The following STON2 variants were observed in gnomAD, a reference collection of about 807,000 sequenced individuals.
The protein encoded by STON2 is stonin 2, also known as stonin-2.
A neutral mutation model predicts 65.7 loss-of-function variants in STON2; 29 were observed. The observed-to-expected ratio is 0.44, with a 90% CI of 0.33 to 0.60. STON2 has a LOEUF of 0.60. Among genes scored for constraint, STON2 ranks in the 20% least tolerant of loss-of-function variants. The pLI is 0.03. For missense variants in STON2, 1,054 were observed against 1,118.1 expected, an observed-to-expected ratio of 0.94 and a Z score of 0.82; for synonymous variants, 404 against 414.2, an observed-to-expected ratio of 0.98 and a Z score of 0.30.
intron 3 of STON2, among the ~76,000 whole-genome samples, chr14:81,376,289 A>C (rs1329611939): frequency 6.6e-6 from 1 of 152,000 alleles, no homozygotes; most frequent in African/African-American, 2.4e-5. Context: ...GTAGGAATGA[A>C]AAGTGTACAC....
intron 2 of STON2, among the ~76,000 whole-genome samples, chr14:81,397,716 T>C (rs541560423): frequency 3.3e-5 from 5 of 152,324 alleles, no homozygotes; most frequent in Non-Finnish European, 7.4e-5. Context: ...AAAGTCAATA[T>C]AGTCATCCTC....
At chr14:81,345,760 CA>C (rs753529934) in intron 4 of STON2, among the ~76,000 whole-genome samples, 3,485 of 141,666 alleles carry the variant, frequency 0.025, 51 homozygotes, top group Middle Eastern at 0.044. Context: ...GACTTTGTCT[CA>C]AAAAAAAAAA....
chr14:81,365,486 T>TG (rs1352101476), intron 4 of STON2, among the ~76,000 whole-genome samples: 13 of 152,248 alleles, frequency 8.5e-5, no homozygotes, highest in Non-Finnish European at 1.9e-4. Context: ...ACAGGTGCAG[T>TG]GGCTCATGCC....
chr14:81,298,416 G>GT (rs879902928), intron 5 of STON2, among the ~76,000 whole-genome samples: 2,193 of 48,560 alleles, frequency 0.045, 64 homozygotes, highest in African/African-American at 0.11. Flanking sequence ...GCTTCAGATG[G>GT]GGGGGGGGAA....
Position 81,413,161 on chromosome 14 carries a change from T to C in STON2, c.-199+13941A>G, listed in dbSNP as rs909937672. ...GCATCGTGGGGAGGAACTTCAGTAG[T>C]TACGTGACACATGAAACCAAACACT... On this transcript the variant is annotated intron_variant, in intron 2 of 8. Coordinates refer to the STON2 transcript ENST00000553821. The C allele has an allele frequency of 3.1e-5, 45 of 1,453,076 alleles. 7 individuals carry two copies. Among genetic ancestry groups the C allele is most frequent in the Non-Finnish European group, 4.2e-5 (45 of 1,072,644 alleles). 90.0% of individuals were successfully genotyped at this position (1,453,076 alleles called of 1,614,324 possible).
rs1481592232 is a variant in STON2 at position 81,324,003 on chromosome 14, C to T, written c.742+14G>A. On this transcript the variant is annotated intron_variant, in intron 5 of 7. Coordinates refer to ENST00000614646, the MANE Select transcript of STON2 (RefSeq NM_001394390.1). The stretch of plus-strand genomic sequence containing the variant: ...TAAAATGAATGAAGCGTTCCTGCTG[C>T]GGGCAGCCCTTACCATTGGGAGCAG... 2.6e-5 allele frequency among the ~76,000 whole-genome samples: 4 copies of T among 152,206 alleles called. No homozygotes were observed. Among genetic ancestry groups the T allele is most frequent in the Admixed American group, 1.3e-4 (2 of 15,284 alleles).
chr14:81,276,517 G>A (rs752273307), intron 6 of STON2, among the ~76,000 whole-genome samples: 10 of 152,134 alleles, frequency 6.6e-5, no homozygotes, highest in African/African-American at 1.7e-4. Context: ...TACCTACATC[G>A]AGGGCAGTGT....
chr14:81,296,151 A>C (rs2140169421), intron 5 of STON2, among the ~76,000 whole-genome samples: 1 of 152,340 alleles, frequency 6.6e-6, no homozygotes, highest in East Asian at 1.9e-4. Flanking sequence ...TGTTAGTATG[A>C]GCATTGTGTA....
chr14:81,367,384 C>G (rs1051622165), intron 4 of STON2, among the ~76,000 whole-genome samples: 11 of 152,044 alleles, frequency 7.2e-5, no homozygotes, highest in African/African-American at 2.7e-4. Flanking sequence ...ACCATGTTGG[C>G]CAGGGTGGTC....
In STON2 at chr14:81,261,119, C is replaced by G. The variant is rs934245953; in HGVS notation, c.*7295G>C. ...GGCTTAAGGTCAGAGGAGTTCATAT[C>G]CTTCTCTTCCCTCACCCCTATACTT... is the stretch of plus-strand genomic sequence containing the variant. On this transcript the variant is annotated 3_prime_UTR_variant, in exon 8 of 8. Transcript: ENST00000614646. The G allele has an allele frequency of 1.3e-5, 2 of 152,160 alleles. No homozygotes were observed. Among genetic ancestry groups the G allele is most frequent in the Non-Finnish European group, 2.9e-5 (2 of 68,028 alleles). The allele number at this position is 152,160 out of a possible 1,614,324, so 9.4% of individuals were successfully genotyped here. A position where few individuals can be genotyped will look rare whatever the true frequency, so the allele number is the denominator to read the frequency against.
chr14:81,284,515 A>C (rs1243961141), intron 5 of STON2, among the ~76,000 whole-genome samples: 1 of 152,238 alleles, frequency 6.6e-6, no homozygotes, highest in Non-Finnish European at 1.5e-5. Flanking sequence ...TAAATAAATA[A>C]ATAAAGCTAG....
intron 5 of STON2, among the ~76,000 whole-genome samples, chr14:81,315,907 C>A (rs1034173012): frequency 6.6e-6 from 1 of 152,290 alleles, no homozygotes; most frequent in African/African-American, 2.4e-5. Context: ...ACAGCAAAAA[C>A]GTCACCAGAA....
intron 4 of STON2, among the ~76,000 whole-genome samples, chr14:81,332,048 T>C (rs1014750789): frequency 1.3e-4 from 20 of 152,172 alleles, no homozygotes; most frequent in Admixed American, 5.2e-4. Context: ...CCCCTTAGAA[T>C]AGGCACTTGG....
chr14:81,329,265 G>A (rs1292027430), intron 4 of STON2, among the ~76,000 whole-genome samples: 2 of 151,956 alleles, frequency 1.3e-5, no homozygotes, highest in South Asian at 2.1e-4. Context: ...CATCCTGGCT[G>A]ACACAGTGAA....
intron 3 of STON2, among the ~76,000 whole-genome samples, chr14:81,378,139 C>A (rs1166005584): frequency 2.0e-5 from 3 of 152,030 alleles, no homozygotes; most frequent in African/African-American, 7.2e-5. Flanking sequence ...AGCCACCACA[C>A]CCAGCCTAGC....
At chr14:81,334,809 C>A (rs902198856) in intron 4 of STON2, among the ~76,000 whole-genome samples, 17 of 152,080 alleles carry the variant, frequency 1.1e-4, no homozygotes, top group African/African-American at 3.1e-4. Flanking sequence ...GAGCTGGCTG[C>A]TCTTTGGACC....
chr14:81,333,099 TTCA>T, intron 4 of STON2: 1 of 915,008 alleles, frequency 1.1e-6, no homozygotes. Context: ...TATGTTTGGA[TTCA>T]TATTTCTTTG....
At chr14:81,334,006 G>A (rs904073827) in intron 4 of STON2, among the ~76,000 whole-genome samples, 10 of 152,172 alleles carry the variant, frequency 6.6e-5, no homozygotes, top group Non-Finnish European at 1.3e-4. Flanking sequence ...AAGCCAAGAG[G>A]CTCAACCCTG....
intron 2 of STON2, among the ~76,000 whole-genome samples, chr14:81,396,735 AAAC>A (rs1175566261): frequency 7.2e-6 from 1 of 138,810 alleles, no homozygotes; most frequent in Non-Finnish European, 1.5e-5. Context: ...CCAGAAAATT[AAAC>A]AGCCTTCAAA....
Sources: allele counts gnomAD v4.1 joint callset (sites outside exome capture counted in the v4.1 genomes callset), GRCh38; gene constraint gnomAD v4.1.1; transcripts MANE v1.5; gene names NCBI Gene and HGNC (gene_info 2026-07-23, HGNC 2026-07-21).